The following CAMK4 variants were observed in gnomAD, a reference collection of about 807,000 sequenced individuals.
CAMK4 encodes the protein calcium/calmodulin dependent protein kinase IV.
In CAMK4, 22 loss-of-function variants were observed where a neutral mutation model predicts 44.9. The observed-to-expected ratio is 0.49, with a 90% CI of 0.35 to 0.70. CAMK4 has a LOEUF of 0.70. Among genes scored for constraint, CAMK4 ranks in the 30% least tolerant of loss-of-function variants. The pLI is 0.01. For missense variants in CAMK4, 498 were observed against 586.8 expected (o/e 0.85, Z 1.56); for synonymous variants, 218 against 215.4 (o/e 1.01, Z -0.11).
At chr5:111,288,714 C>T (rs966890715) in intron 1 of CAMK4, among the ~76,000 whole-genome samples, 1 of 152,100 alleles carries the variant, frequency 6.6e-6, no homozygotes, top group Non-Finnish European at 1.5e-5. Flanking sequence ...ATATGCTATT[C>T]CTGTACTAGA....
intron 7 of CAMK4, among the ~76,000 whole-genome samples, chr5:111,467,368 C>CATAGCA (rs1754872565): frequency 2.9e-5 from 2 of 68,520 alleles, no homozygotes; most frequent in Non-Finnish European, 5.4e-5. Flanking sequence ...AAAGCTTCTG[C>CATAGCA]ATAGCAAAAA....
intron 1 of CAMK4, among the ~76,000 whole-genome samples, chr5:111,228,602 C>CT (rs1748314238): frequency 6.6e-6 from 1 of 151,142 alleles, no homozygotes; most frequent in Non-Finnish European, 1.5e-5. Context: ...CAGCAATGCA[C>CT]TTTAATATTT....
chr5:111,441,719 C>T (rs1450840422), intron 5 of CAMK4, among the ~76,000 whole-genome samples: 1 of 152,086 alleles, frequency 6.6e-6, no homozygotes, highest in Non-Finnish European at 1.5e-5. Context: ...TACCCAGTTA[C>T]CATGTTTTTA....
At chr5:111,445,566 C>A (rs1753996216) in intron 5 of CAMK4, among the ~76,000 whole-genome samples, 1 of 152,070 alleles carries the variant, frequency 6.6e-6, no homozygotes, top group South Asian at 2.1e-4. Flanking sequence ...GTAGCTAGAA[C>A]TACAAGGCAT....
intron 5 of CAMK4, among the ~76,000 whole-genome samples, chr5:111,414,246 C>T (rs928389708): frequency 2.0e-5 from 3 of 152,112 alleles, no homozygotes; most frequent in Admixed American, 2.0e-4. Flanking sequence ...TGATGCTATC[C>T]TGAGAAAAAA....
intron 1 of CAMK4, among the ~76,000 whole-genome samples, chr5:111,342,018 C>T (rs1024356659): frequency 4.0e-5 from 6 of 151,448 alleles, no homozygotes; most frequent in Non-Finnish European, 8.9e-5. Flanking sequence ...ACCGCTCTCT[C>T]GATTACTGTA....
chr5:111,386,517 C>T (rs895797272), intron 4 of CAMK4, among the ~76,000 whole-genome samples: 3 of 152,178 alleles, frequency 2.0e-5, no homozygotes, highest in East Asian at 1.9e-4. Context: ...TAGAGCTCTT[C>T]AGCTGCTGTG....
chr5:111,403,032 C>G lies in CAMK4; in HGVS notation c.459+8250C>G, dbSNP rs1752288643. 2.0e-5 allele frequency among the ~76,000 whole-genome samples: 3 copies of G among 152,150 alleles called. No homozygotes were observed. In the South Asian group the frequency reaches 6.2e-4, roughly 31 times the overall value. On this transcript the variant is annotated intron_variant, in intron 5 of 10. Coordinates refer to ENST00000282356, the MANE Select transcript of CAMK4 (RefSeq NM_001744.6). ...AAACTTTTTGAGTATATGCTAACAA[C>G]TTTTCTGTGGTCAGAGCAAGCTGTA...
At chr5:111,413,429 T>C (rs1432576840) in intron 5 of CAMK4, among the ~76,000 whole-genome samples, 3 of 151,774 alleles carry the variant, frequency 2.0e-5, no homozygotes, top group Non-Finnish European at 4.4e-5. Flanking sequence ...ATACAAAAAA[T>C]AGCCAGGGAT....
chr5:111,239,232 A>G (rs1464323913), intron 1 of CAMK4, among the ~76,000 whole-genome samples: 1 of 152,122 alleles, frequency 6.6e-6, no homozygotes, highest in Non-Finnish European at 1.5e-5. Flanking sequence ...TTCTGAATAT[A>G]TTCTCAAACC....
At position 111,425,722 on chromosome 5, in the gene CAMK4, A is replaced by T. The variant is rs1178366686; in HGVS notation, c.460-20964A>T. Among the ~76,000 whole-genome samples, 4 of 152,246 alleles carry T rather than the reference A, an allele frequency of 2.6e-5. No individual in the cohort carries two copies. The South Asian group carries it at 8.3e-4, about 32-fold the overall frequency. ...TAACTTATTAGCTTTGCAAAATCTT[A>T]TTCCCCATAAACACCAGAAAACACA... On this transcript the variant is annotated intron_variant, in intron 5 of 10. Transcript: ENST00000282356.
intron 5 of CAMK4, among the ~76,000 whole-genome samples, chr5:111,412,918 A>G (rs1752680382): frequency 6.6e-6 from 1 of 152,200 alleles, no homozygotes; most frequent in African/African-American, 2.4e-5. Flanking sequence ...AAAAGTGGGT[A>G]AAAGTATGAC....
chr5:111,381,580 G>A (rs1751416610), intron 4 of CAMK4, among the ~76,000 whole-genome samples: 1 of 152,104 alleles, frequency 6.6e-6, no homozygotes. Flanking sequence ...GCAGCTGATT[G>A]AGGGTGGGTC....
intron 5 of CAMK4, among the ~76,000 whole-genome samples, chr5:111,434,258 A>C (rs1561486047): frequency 6.7e-6 from 1 of 149,342 alleles, no homozygotes; most frequent in Admixed American, 6.8e-5. Context: ...GCGCCACTGC[A>C]CTGTAGCCTG....
chr5:111,397,154 T>TA (rs1752043359), intron 5 of CAMK4, among the ~76,000 whole-genome samples: 1 of 152,362 alleles, frequency 6.6e-6, no homozygotes, highest in South Asian at 2.1e-4. Flanking sequence ...AGGCAGCTGA[T>TA]ACAGCAGTTA....
chr5:111,347,070 A>G (rs1471909612), intron 2 of CAMK4, among the ~76,000 whole-genome samples: 1 of 152,002 alleles, frequency 6.6e-6, no homozygotes, highest in East Asian at 1.9e-4. Flanking sequence ...AAAAGGTGGG[A>G]GTATCTTAAA....
intron 4 of CAMK4, among the ~76,000 whole-genome samples, chr5:111,383,351 T>C (rs186120977): frequency 3.3e-5 from 5 of 152,278 alleles, no homozygotes; most frequent in Admixed American, 1.3e-4. Context: ...AGAAAGACTT[T>C]TGGAATAAGT....
At chr5:111,366,773 G>T (rs894657973) in intron 2 of CAMK4, among the ~76,000 whole-genome samples, 1 of 151,842 alleles carries the variant, frequency 6.6e-6, no homozygotes, top group Non-Finnish European at 1.5e-5. Flanking sequence ...GGAAAATTGG[G>T]ATTTCTTTCA....
intron 1 of CAMK4, among the ~76,000 whole-genome samples, chr5:111,244,353 C>T (rs932001866): frequency 6.6e-6 from 1 of 152,124 alleles, no homozygotes; most frequent in Non-Finnish European, 1.5e-5. Context: ...TACTTGTCTT[C>T]ATTCCCATTT....
Sources: allele counts gnomAD v4.1 joint callset (sites outside exome capture counted in the v4.1 genomes callset), GRCh38; gene constraint gnomAD v4.1.1; transcripts MANE v1.5; gene names NCBI Gene and HGNC (gene_info 2026-07-23, HGNC 2026-07-21).